ENTHD1: variants seen among roughly 807,000 people sequenced by gnomAD.
ENTHD1 encodes ENTH domain-containing protein 1.
ENTHD1 carries 23 observed loss-of-function variants against 39.1 expected under a neutral mutation model. The ratio of observed to expected loss-of-function variants is 0.59; its 90% CI spans 0.42 to 0.83. The LOEUF is 0.83. Ranked by LOEUF, ENTHD1 falls within the 40% of genes least tolerant of loss-of-function variation. The probability of loss-of-function intolerance (pLI) is 0.00; values close to 1 mark genes in which losing one functional copy is unlikely to be tolerated. For synonymous variants in ENTHD1, 230 were observed against 258.2 expected (o/e 0.89, Z 1.05); for missense variants, 624 against 705.4 (o/e 0.88, Z 1.31).
At chr22:39,870,857 GA>G (rs1282245106) in intron 2 of ENTHD1, among the ~76,000 whole-genome samples, 1 of 152,140 alleles carries the variant, frequency 6.6e-6, no homozygotes, top group Non-Finnish European at 1.5e-5. Flanking sequence ...GGGACAAGTA[GA>G]GGGTGACCAC....
chr22:39,825,258 T>C (rs1454857426), intron 4 of ENTHD1, among the ~76,000 whole-genome samples: 1 of 152,222 alleles, frequency 6.6e-6, no homozygotes, highest in Admixed American at 6.5e-5. Flanking sequence ...GGTATTGTCT[T>C]AATTTAAGTT....
chr22:39,831,600 G>A (rs1445741393), intron 4 of ENTHD1, among the ~76,000 whole-genome samples: 3 of 152,170 alleles, frequency 2.0e-5, no homozygotes, highest in African/African-American at 4.8e-5. Context: ...CAAGGCGGGC[G>A]GATCACCTGA....
At chr22:39,757,861 G>T (rs974317840) in intron 6 of ENTHD1, among the ~76,000 whole-genome samples, 1 of 151,916 alleles carries the variant, frequency 6.6e-6, no homozygotes, top group African/African-American at 2.4e-5. Flanking sequence ...GAATTCTCAC[G>T]AGATCTGATG....
chr22:39,886,339 A>G (rs1328299767), intron 2 of ENTHD1, among the ~76,000 whole-genome samples: 2 of 152,176 alleles, frequency 1.3e-5, no homozygotes, highest in African/African-American at 2.4e-5. Flanking sequence ...GACACCATGC[A>G]TTTTTCAAAA....
At chr22:39,857,303 G>A (rs901555720) in intron 3 of ENTHD1, among the ~76,000 whole-genome samples, 4 of 151,798 alleles carry the variant, frequency 2.6e-5, no homozygotes, top group African/African-American at 4.8e-5. Flanking sequence ...TTAGCCAGGC[G>A]TGATGGCGTA....
chr22:39,754,007 C>G (rs1325005854), intron 6 of ENTHD1, among the ~76,000 whole-genome samples: 2 of 152,148 alleles, frequency 1.3e-5, no homozygotes, highest in Non-Finnish European at 2.9e-5. Flanking sequence ...CCCCTTCAAC[C>G]ACTTTCTTAC....
At position 39,744,042 on chromosome 22, in the gene ENTHD1, G is replaced by C; in HGVS notation, c.1461C>G (p.Ser487Arg). The C allele has an allele frequency of 1.9e-6, 3 of 1,614,112 alleles. No individual in the cohort carries two copies. The highest frequency in any genetic ancestry group is 2.5e-6 in the Non-Finnish European group (3 of 1,179,992). ...TTGGAAGAATTCCCAGTAGATTGAG[G>C]CTATCATTTTCCTCTACATCAGAAG... ...PVSSDVEEND[S>R]LNLLGILPNN... is the part of the protein sequence containing the mutation. Residue 487 changes from serine (S) to arginine (R), a missense_variant, in exon 7 of 7, where the codon AGC (serine) becomes AGG (arginine). By Grantham distance (110) the Ser-to-Arg change is moderately radical. Transcript: ENST00000325157.
At chr22:39,757,448 A>T (rs2065194026) in intron 6 of ENTHD1, among the ~76,000 whole-genome samples, 1 of 151,970 alleles carries the variant, frequency 6.6e-6, no homozygotes, top group African/African-American at 2.4e-5. Flanking sequence ...ATTTAAAAAA[A>T]ATTAAAAATT....
At chr22:39,843,489 T>G (rs1299532925) in intron 3 of ENTHD1, among the ~76,000 whole-genome samples, 2 of 150,228 alleles carry the variant, frequency 1.3e-5, no homozygotes, top group South Asian at 2.1e-4. Context: ...AGGGATAGCA[T>G]TGGGAGATAT....
At chr22:39,792,430 G>A (rs2065511950) in intron 5 of ENTHD1, among the ~76,000 whole-genome samples, 1 of 152,038 alleles carries the variant, frequency 6.6e-6, no homozygotes, top group Non-Finnish European at 1.5e-5. Context: ...TCGCATTTTA[G>A]TTCTTTTTCT....
At chr22:39,746,577 T>A (rs1333698072) in intron 6 of ENTHD1, among the ~76,000 whole-genome samples, 1 of 152,226 alleles carries the variant, frequency 6.6e-6, no homozygotes, top group Non-Finnish European at 1.5e-5. Context: ...GTTGAGTGTG[T>A]GTATGGCACT....
At chr22:39,842,382 C>T (rs1233623948) in intron 3 of ENTHD1, among the ~76,000 whole-genome samples, 5 of 151,952 alleles carry the variant, frequency 3.3e-5, no homozygotes, top group East Asian at 1.9e-4. Context: ...ACCAATCAGA[C>T]GTAGATTTGG....
At chr22:39,832,222 G>T (rs1304667532) in intron 4 of ENTHD1, among the ~76,000 whole-genome samples, 1 of 152,132 alleles carries the variant, frequency 6.6e-6, no homozygotes, top group Admixed American at 6.5e-5. Context: ...GAGGTGGGAA[G>T]ATCGCTTGCA....
chr22:39,766,280 C>A (rs1359313369), intron 5 of ENTHD1, among the ~76,000 whole-genome samples: 1 of 152,032 alleles, frequency 6.6e-6, no homozygotes, highest in Non-Finnish European at 1.5e-5. Flanking sequence ...GTTAATATCA[C>A]CAAAGTACAT....
chr22:39,790,376 C>T (rs987103411), intron 5 of ENTHD1, among the ~76,000 whole-genome samples: 1 of 152,060 alleles, frequency 6.6e-6, no homozygotes, highest in Non-Finnish European at 1.5e-5. Flanking sequence ...GGACATGTTT[C>T]GAAGGTAGAG....
chr22:39,761,702 T>G (rs868179431), intron 6 of ENTHD1, among the ~76,000 whole-genome samples: 16 of 152,192 alleles, frequency 1.1e-4, no homozygotes, highest in Admixed American at 2.6e-4. Flanking sequence ...CTTTCATTTT[T>G]AATCTTCTGC....
intron 1 of ENTHD1, among the ~76,000 whole-genome samples, chr22:39,890,954 T>C (rs1847050747): frequency 1.3e-5 from 2 of 152,226 alleles, no homozygotes; most frequent in Admixed American, 1.3e-4. Context: ...ATTATGTGTT[T>C]TAGACACCTG....
chr22:39,858,959 C>A (rs1367488240), intron 3 of ENTHD1, among the ~76,000 whole-genome samples: 4 of 152,192 alleles, frequency 2.6e-5, no homozygotes, highest in Non-Finnish European at 5.9e-5. Flanking sequence ...GGCTATTTCA[C>A]CCACATTGAA....
chr22:39,820,682 G>GAGT (rs1161695292), intron 5 of ENTHD1, among the ~76,000 whole-genome samples: 2 of 152,034 alleles, frequency 1.3e-5, no homozygotes, highest in Non-Finnish European at 2.9e-5. Context: ...GCTTTTGAAA[G>GAGT]AGTTCATAAT....
Sources: gnomAD v4.1 joint callset for allele counts (sites outside exome capture counted in the v4.1 genomes callset) on GRCh38, gnomAD v4.1.1 for gene constraint, MANE v1.5 for transcripts, NCBI Gene and HGNC (gene_info 2026-07-23, HGNC 2026-07-21) for gene names.